Variants in PCDH11Y observed in about 807,000 individuals in gnomAD.
PCDH11Y encodes the protein protocadherin-11 Y-linked.
For missense variants in PCDH11Y, 12 were observed against 224.8 expected, an observed-to-expected ratio of 0.05 and a Z score of 6.05; for synonymous variants, 9 against 83.6, an observed-to-expected ratio of 0.11 and a Z score of 4.87.
intron 2 of PCDH11Y, among the ~76,000 whole-genome samples, chrY:5,343,669 G>A: frequency 3.2e-5 from 1 of 31,314 alleles, no homozygotes; most frequent in African/African-American, 1.3e-4. Flanking sequence ...CCAGGCTGGA[G>A]TGCTGTGGTG....
At chrY:5,648,731 C>T in intron 4 of PCDH11Y, among the ~76,000 whole-genome samples, 1 of 28,658 alleles carries the variant, frequency 3.5e-5, no homozygotes, top group Non-Finnish European at 8.3e-5. Flanking sequence ...TAGGGTCTTG[C>T]TCAGAGTAGC....
intron 4 of PCDH11Y, among the ~76,000 whole-genome samples, chrY:5,612,295 A>G: frequency 3.0e-5 from 1 of 33,287 alleles, no homozygotes; most frequent in African/African-American, 1.2e-4. Context: ...CAAACTCTGA[A>G]TTATGTAAAA....
At chrY:5,024,112 C>T (rs2052574784) in intron 1 of PCDH11Y, among the ~76,000 whole-genome samples, 1 of 33,119 alleles carries the variant, frequency 3.0e-5, no homozygotes, top group Admixed American at 2.8e-4. Context: ...GACTAAATAT[C>T]TATATAGAAT....
chrY:5,051,205 G>GTA (rs2052651171), upstream of PCDH11Y, among the ~76,000 whole-genome samples: 2 of 32,988 alleles, frequency 6.1e-5, no homozygotes, highest in South Asian at 6.5e-4. Context: ...CTACAGATAT[G>GTA]TATATATATC....
At chrY:5,671,665 T>C (rs2124708438) in intron 4 of PCDH11Y, among the ~76,000 whole-genome samples, 1 of 32,060 alleles carries the variant, frequency 3.1e-5, no homozygotes, top group East Asian at 8.1e-4. Flanking sequence ...TCGTGCAGTC[T>C]TAGGTTTTTC....
intron 2 of PCDH11Y, among the ~76,000 whole-genome samples, chrY:5,135,879 C>T: frequency 3.1e-5 from 1 of 31,839 alleles, no homozygotes; most frequent in Non-Finnish European, 7.6e-5. Flanking sequence ...CAACTCAGGC[C>T]ATTACAGCAA....
chrY:5,238,732 AAAAC>A (rs2052982967), intron 2 of PCDH11Y, among the ~76,000 whole-genome samples: 1 of 32,665 alleles, frequency 3.1e-5, no homozygotes, highest in Non-Finnish European at 7.5e-5. Context: ...TACAAGAAAA[AAAAC>A]AAACAACCCC....
At chrY:5,039,140 G>A in intron 3 of PCDH11Y, among the ~76,000 whole-genome samples, 1 of 32,505 alleles carries the variant, frequency 3.1e-5, no homozygotes, top group South Asian at 7.0e-4. Flanking sequence ...CACAGCAAGA[G>A]GTACTATATT....
chrY:5,367,408 C>T, intron 2 of PCDH11Y, among the ~76,000 whole-genome samples: 2 of 12,640 alleles, frequency 1.6e-4, no homozygotes, highest in Non-Finnish European at 2.9e-4. Flanking sequence ...GACGGAGTCT[C>T]GCTCTGTCGC....
At chrY:5,712,372 C>G in intron 4 of PCDH11Y, among the ~76,000 whole-genome samples, 1 of 33,360 alleles carries the variant, frequency 3.0e-5, no homozygotes, top group Non-Finnish European at 7.4e-5. Context: ...AAGAGTCAGA[C>G]ATTGTATGCA....
chrY:5,011,139 A>T, intron 1 of PCDH11Y, among the ~76,000 whole-genome samples: 1 of 31,216 alleles, frequency 3.2e-5, no homozygotes, highest in East Asian at 8.4e-4. Context: ...AAATTCAACT[A>T]GATTTACAAT....
chrY:5,628,793 T>C, intron 4 of PCDH11Y, among the ~76,000 whole-genome samples: 1 of 33,533 alleles, frequency 3.0e-5, no homozygotes, highest in South Asian at 6.6e-4. Flanking sequence ...ATATTTTGCC[T>C]ACTTGTTTGT....
rs2052877565 is a variant in PCDH11Y, at chrY:5,164,706, CAAAAAA to C, written c.3129+64004_3129+64009del. 1.4e-4 allele frequency among the ~76,000 whole-genome samples: 4 copies of C among 29,517 alleles called. No individual in the cohort carries two copies. The East Asian group carries it at 2.7e-3, about 20-fold the overall frequency. The allele number at this position is 29,517 out of a possible 37,273, so 79.2% of individuals were successfully genotyped here. On this transcript the variant is annotated intron_variant, in intron 2 of 4. Transcript: ENST00000400457. ...GAAAATGGGAAAGACATAGGACAAACAAAAAAAAAATTCTTACAAACAACCAGTAAC... is the reference window on the plus strand; with the variant it reads ...GAAAATGGGAAAGACATAGGACAAACAAAATTCTTACAAACAACCAGTAAC...
intron 2 of PCDH11Y, among the ~76,000 whole-genome samples, chrY:5,216,632 A>G: frequency 3.2e-5 from 1 of 30,793 alleles, no homozygotes; most frequent in Non-Finnish European, 7.8e-5. Flanking sequence ...ATTCATTTTA[A>G]TCAATTTTTA....
intron 1 of PCDH11Y, among the ~76,000 whole-genome samples, chrY:5,008,915 C>G: frequency 4.9e-4 from 16 of 32,520 alleles, no homozygotes; most frequent in African/African-American, 1.9e-3. Context: ...CGTTGTCACT[C>G]TACATTACAG....
intron 2 of PCDH11Y, among the ~76,000 whole-genome samples, chrY:5,481,467 T>C: frequency 6.4e-5 from 2 of 31,028 alleles, no homozygotes; most frequent in Admixed American, 2.8e-4. Flanking sequence ...ACACAGGAGC[T>C]GTGCCTATTC....
chrY:5,133,756 T>A, intron 2 of PCDH11Y, among the ~76,000 whole-genome samples: 1 of 32,945 alleles, frequency 3.0e-5, no homozygotes, highest in Non-Finnish European at 7.5e-5. Flanking sequence ...TCAATTGTTT[T>A]CATTTTTAGC....
chrY:5,251,892 C>T (rs2053004625), intron 2 of PCDH11Y, among the ~76,000 whole-genome samples: 1 of 32,445 alleles, frequency 3.1e-5, no homozygotes, highest in East Asian at 8.0e-4. Flanking sequence ...AACTCCTAGT[C>T]GGGATCTAAA....
chrY:5,386,964 G>T, intron 2 of PCDH11Y, among the ~76,000 whole-genome samples: 2 of 22,465 alleles, frequency 8.9e-5, no homozygotes, highest in Admixed American at 9.1e-4. Context: ...TTATTTTTCT[G>T]GTTCCTTCTC....
Sources: allele counts gnomAD v4.1 joint callset (sites outside exome capture counted in the v4.1 genomes callset), GRCh38; gene constraint gnomAD v4.1.1; transcripts MANE v1.5; gene names NCBI Gene and HGNC (gene_info 2026-07-23, HGNC 2026-07-21).